ABHD12: variants seen among roughly 807,000 people sequenced by gnomAD.
ABHD12 encodes lysophosphatidylserine lipase ABHD12.
In ABHD12, 43 loss-of-function variants were observed where a neutral mutation model predicts 58.3. That is an observed-to-expected ratio of 0.74 (90% CI 0.58 to 0.95). The LOEUF is 0.95. Ranked by LOEUF, ABHD12 falls within the 40% of genes least tolerant of loss-of-function variation. The pLI, the probability that ABHD12 is intolerant of heterozygous loss-of-function variation, is 0.00. For synonymous variants in ABHD12, 219 were observed against 211.2 expected (o/e 1.04, Z -0.32); for missense variants, 539 against 537.2 (o/e 1.00, Z -0.03).
intron 1 of ABHD12, among the ~76,000 whole-genome samples, chr20:25,353,250 TTTTG>T (rs2089625118): frequency 8.3e-6 from 1 of 121,024 alleles, no homozygotes; most frequent in African/African-American, 2.6e-5. Context: ...TAGGTGTTTT[TTTTG>T]TTTGTTTCTG....
chr20:25,304,225 C>T (rs531823562), intron 10 of ABHD12, among the ~76,000 whole-genome samples: 35 of 152,366 alleles, frequency 2.3e-4, no homozygotes, highest in Admixed American at 2.0e-3. Context: ...GAGGGCAGCG[C>T]TGGTGCACTC....
At chr20:25,322,776 G>A (rs1447849114) in intron 3 of ABHD12, among the ~76,000 whole-genome samples, 1 of 152,000 alleles carries the variant, frequency 6.6e-6, no homozygotes, top group African/African-American at 2.4e-5. Flanking sequence ...AGGCTGGAGT[G>A]CAGTGGCGTG....
intron 1 of ABHD12, chr20:25,339,591 A>C: frequency 6.7e-7 from 1 of 1,493,564 alleles, no homozygotes. Context: ...CTTGAAAGAC[A>C]TAGAAATAGC....
intron 3 of ABHD12, 48 bp downstream of exon 3, chr20:25,323,277 G>C (rs2089113777): frequency 8.5e-7 from 1 of 1,173,164 alleles, no homozygotes. Flanking sequence ...CAGTCATGTA[G>C]GGTCCTTTCC....
chr20:25,318,913 C>T (rs2089014470), intron 4 of ABHD12, among the ~76,000 whole-genome samples: 1 of 152,200 alleles, frequency 6.6e-6, no homozygotes, highest in Non-Finnish European at 1.5e-5. Flanking sequence ...GGCCATGCCG[C>T]CAGGCTCTTT....
chr20:25,301,719 CCTCAGGCTTGGGCTCTGCA>C (rs1051515208), intron 12 of ABHD12, among the ~76,000 whole-genome samples: 1 of 152,278 alleles, frequency 6.6e-6, no homozygotes, highest in Non-Finnish European at 1.5e-5. Context: ...AAGGCCTCAC[CCTCAGGCTTGGGCTCTGCA>C]CTCAGGCCCA....
At chr20:25,378,185 T>C (rs919940555) in intron 1 of ABHD12, among the ~76,000 whole-genome samples, 1 of 152,226 alleles carries the variant, frequency 6.6e-6, no homozygotes, top group Non-Finnish European at 1.5e-5. Flanking sequence ...TAAATGTGAA[T>C]GAAGGTAGAC....
At chr20:25,334,534 AC>A (rs2089330334) in intron 2 of ABHD12, among the ~76,000 whole-genome samples, 1 of 152,204 alleles carries the variant, frequency 6.6e-6, no homozygotes, top group Non-Finnish European at 1.5e-5. Flanking sequence ...TGGAGGCATC[AC>A]ACTACCTGGT....
At chr20:25,294,837 G>T in exon 13 of ABHD12, 2 of 895,704 alleles carry the variant, frequency 2.2e-6, no homozygotes, top group South Asian at 1.3e-5. Flanking sequence ...TGCAGCTCAG[G>T]GCAGTTCTTC....
intron 1 of ABHD12, among the ~76,000 whole-genome samples, chr20:25,371,344 C>A (rs1164975674): frequency 6.6e-6 from 1 of 152,182 alleles, no homozygotes; most frequent in Non-Finnish European, 1.5e-5. Flanking sequence ...ACACTGTTTA[C>A]AACCTGGAGG....
At position 25,356,811 on chromosome 20, in the gene ABHD12, G is replaced by A. The variant is rs142030573; in HGVS notation, c.192-17460C>T. Among the ~76,000 whole-genome samples the A allele has an allele frequency of 9.2e-5, 14 of 152,278 alleles. No homozygotes were observed. The East Asian group carries it at 2.7e-3, about 29-fold the overall frequency. Reference sequence around the variant, plus strand: ...TGAGGCAGGAAGGGAAATGCTTAGCGAGGCAGGCATCTCGAATGAGGACTG... The same window carrying A: ...TGAGGCAGGAAGGGAAATGCTTAGCAAGGCAGGCATCTCGAATGAGGACTG... On this transcript the variant is annotated intron_variant, in intron 1 of 12. Transcript: ENST00000339157.
At chr20:25,369,265 C>G (rs990570440) in intron 1 of ABHD12, among the ~76,000 whole-genome samples, 2 of 152,146 alleles carry the variant, frequency 1.3e-5, no homozygotes, top group Admixed American at 6.5e-5. Context: ...AGAAATGTCT[C>G]TTCGAGTTCT....
chr20:25,297,876 A>C (rs1392474454), downstream of ABHD12: 1 of 152,314 alleles, frequency 6.6e-6, no homozygotes, highest in Non-Finnish European at 1.5e-5. Context: ...CATCTTCCCC[A>C]GGCAGCGGCT....
downstream of ABHD12, among the ~76,000 whole-genome samples, chr20:25,298,427 G>A (rs548926802): frequency 1.3e-5 from 2 of 151,966 alleles, no homozygotes; most frequent in African/African-American, 4.8e-5. Context: ...CACCACACCC[G>A]GCTAATTTGT....
chr20:25,297,166 T>G (rs1163573683), downstream of ABHD12: 1 of 152,700 alleles, frequency 6.5e-6, no homozygotes, highest in Non-Finnish European at 1.5e-5. Context: ...ATTGTGTGGG[T>G]GCTTGGAACC....
At position 25,373,983 on chromosome 20, in the gene ABHD12, G is replaced by A. The variant is rs1022132010; in HGVS notation, c.191+16530C>T. ...TCTGTTGCCCAGACCAGAGTGTAGT[G>A]GCTTGATCATGGCTCATGCAGTCTT... On this transcript the variant is annotated intron_variant, in intron 1 of 12. Coordinates refer to ENST00000339157, the MANE Select transcript of ABHD12 (RefSeq NM_001042472.3). 3.9e-5 allele frequency among the ~76,000 whole-genome samples: 6 copies of A among 152,206 alleles called. No individual in the cohort carries two copies. The East Asian group carries it at 9.7e-4, about 24-fold the overall frequency.
At chr20:25,390,357 C>A (rs2090153743) in intron 1 of ABHD12, among the ~76,000 whole-genome samples, 156 bp downstream of exon 1, 1 of 151,974 alleles carries the variant, frequency 6.6e-6, no homozygotes, top group African/African-American at 2.4e-5. Flanking sequence ...CTGCCGCGGG[C>A]CAAATGCGGG....
At chr20:25,373,342 T>C (rs1240432965) in intron 1 of ABHD12, among the ~76,000 whole-genome samples, 1 of 151,592 alleles carries the variant, frequency 6.6e-6, no homozygotes, top group East Asian at 1.9e-4. Context: ...AGGTCAGGAG[T>C]TCAAGACCGG....
At chr20:25,346,154 T>C (rs561345495) in intron 1 of ABHD12, among the ~76,000 whole-genome samples, 138 of 152,226 alleles carry the variant, frequency 9.1e-4, no homozygotes, top group African/African-American at 3.1e-3. Flanking sequence ...AATCAAGCCA[T>C]GAAAAGAACA....
Sources: allele counts gnomAD v4.1 joint callset (sites outside exome capture counted in the v4.1 genomes callset), GRCh38; gene constraint gnomAD v4.1.1; transcripts MANE v1.5; gene names NCBI Gene and HGNC (gene_info 2026-07-23, HGNC 2026-07-21).